KCTD16: variants seen among roughly 807,000 people sequenced by gnomAD.
KCTD16 encodes the protein potassium channel tetramerization domain containing 16.
Under a neutral mutation model 33.2 loss-of-function variants are expected in KCTD16, and 13 were observed. The ratio of observed to expected loss-of-function variants is 0.39; its 90% CI spans 0.25 to 0.62. The LOEUF is 0.62. Among genes scored for constraint, KCTD16 ranks in the 20% least tolerant of loss-of-function variants. The probability of loss-of-function intolerance (pLI) is 0.50; values close to 1 mark genes in which losing one functional copy is unlikely to be tolerated. For missense variants in KCTD16, 441 were observed against 525.1 expected (o/e 0.84, Z 1.57); for synonymous variants, 197 against 195.3 (o/e 1.01, Z -0.07).
chr5:144,310,861 G>A (rs1264351365), intron 3 of KCTD16, among the ~76,000 whole-genome samples: 1 of 152,116 alleles, frequency 6.6e-6, no homozygotes, highest in Non-Finnish European at 1.5e-5. Flanking sequence ...TCCCACCTTT[G>A]TTTCTGTTGC....
chr5:144,398,024 A>C (rs1580931054), intron 3 of KCTD16, among the ~76,000 whole-genome samples: 1 of 152,322 alleles, frequency 6.6e-6, no homozygotes, highest in East Asian at 1.9e-4. Flanking sequence ...TTGTGTCCCC[A>C]TGTAGGTAAG....
At chr5:144,230,748 G>C (rs1217719747) in intron 3 of KCTD16, among the ~76,000 whole-genome samples, 1 of 152,172 alleles carries the variant, frequency 6.6e-6, no homozygotes, top group East Asian at 1.9e-4. Flanking sequence ...AGTGATACAA[G>C]TATTAGGAAA....
intron 3 of KCTD16, among the ~76,000 whole-genome samples, chr5:144,220,758 G>T (rs1338431710): frequency 6.6e-6 from 1 of 151,994 alleles, no homozygotes; most frequent in Admixed American, 6.6e-5. Context: ...TGGCTAACAC[G>T]GTGAAACCCC....
chr5:144,270,374 T>C (rs912953612), intron 3 of KCTD16, among the ~76,000 whole-genome samples: 1 of 151,648 alleles, frequency 6.6e-6, no homozygotes, highest in Non-Finnish European at 1.5e-5. Context: ...AAATTAAAAA[T>C]CAATGACAGA....
At chr5:144,258,762 G>A (rs1310855227) in intron 3 of KCTD16, among the ~76,000 whole-genome samples, 1 of 152,068 alleles carries the variant, frequency 6.6e-6, no homozygotes, top group African/African-American at 2.4e-5. Context: ...TTTTATAGTT[G>A]ATCTAATTTC....
intron 3 of KCTD16, among the ~76,000 whole-genome samples, chr5:144,427,893 C>T (rs1753370076): frequency 6.6e-6 from 1 of 151,990 alleles, no homozygotes; most frequent in Admixed American, 6.6e-5. Flanking sequence ...ATTAGGTTAC[C>T]CAGTCTCAGT....
chr5:144,291,224 A>G (rs1413670348), intron 3 of KCTD16, among the ~76,000 whole-genome samples: 1 of 152,180 alleles, frequency 6.6e-6, no homozygotes, highest in Non-Finnish European at 1.5e-5. Flanking sequence ...TTATGTCCAC[A>G]GTATCTGGTT....
intron 3 of KCTD16, among the ~76,000 whole-genome samples, chr5:144,258,249 G>A (rs1475193907): frequency 6.6e-6 from 1 of 151,828 alleles, no homozygotes; most frequent in Non-Finnish European, 1.5e-5. Context: ...AGTTCCTGCT[G>A]TCAAAAGATT....
At position 144,227,272 on chromosome 5, in the gene KCTD16, G is replaced by T. The variant is rs543997330; in HGVS notation, c.832+19726G>T. Among the ~76,000 whole-genome samples, 9 of 152,298 alleles carry T rather than the reference G, an allele frequency of 5.9e-5. No homozygotes were observed. In the East Asian group the frequency reaches 1.7e-3, roughly 29 times the overall value. The stretch of plus-strand genomic sequence containing the variant: ...CTGAGGCAGTGATATTTAAATAAAG[G>T]CTTGTAGAAGATGAACTTTCAAACT... On this transcript the variant is annotated intron_variant, in intron 3 of 3. Transcript: ENST00000512467.
At chr5:144,448,299 C>A (rs1292927927) in intron 3 of KCTD16, among the ~76,000 whole-genome samples, 1 of 152,070 alleles carries the variant, frequency 6.6e-6, no homozygotes, top group Non-Finnish European at 1.5e-5. Context: ...ATGGTCAATT[C>A]ATTGTAAATC....
At chr5:144,360,272 C>A (rs1157461574) in intron 3 of KCTD16, among the ~76,000 whole-genome samples, 1 of 152,006 alleles carries the variant, frequency 6.6e-6, no homozygotes, top group African/African-American at 2.4e-5. Context: ...CCCAAGAGGC[C>A]CCAGTGTGTG....
At chr5:144,213,117 T>C (rs934375828) in intron 3 of KCTD16, among the ~76,000 whole-genome samples, 1 of 152,132 alleles carries the variant, frequency 6.6e-6, no homozygotes, top group Non-Finnish European at 1.5e-5. Flanking sequence ...TATTATCAAA[T>C]ATCTAGTCAG....
chr5:144,331,388 T>G (rs1230471555), intron 3 of KCTD16, among the ~76,000 whole-genome samples: 1 of 152,210 alleles, frequency 6.6e-6, no homozygotes, highest in Non-Finnish European at 1.5e-5. Flanking sequence ...TGCATTGGTC[T>G]TAGGTTTTAT....
intron 3 of KCTD16, among the ~76,000 whole-genome samples, chr5:144,239,960 C>CT (rs1754356135): frequency 6.6e-6 from 1 of 151,982 alleles, no homozygotes; most frequent in African/African-American, 2.4e-5. Flanking sequence ...ATAGTAATTG[C>CT]TTCCATTTTT....
At chr5:144,313,183 A>G (rs1315971978) in intron 3 of KCTD16, among the ~76,000 whole-genome samples, 4 of 152,186 alleles carry the variant, frequency 2.6e-5, no homozygotes, top group African/African-American at 9.7e-5. Context: ...TTTGTTTTAT[A>G]TGACTGTGAT....
At chr5:144,415,557 A>T (rs1753029593) in intron 3 of KCTD16, among the ~76,000 whole-genome samples, 1 of 152,114 alleles carries the variant, frequency 6.6e-6, no homozygotes, top group Admixed American at 6.5e-5. Flanking sequence ...CACTTGCAAC[A>T]TAAATTATAT....
intron 2 of KCTD16, among the ~76,000 whole-genome samples, chr5:144,187,125 T>C (rs1052383334): frequency 3.3e-5 from 5 of 152,188 alleles, no homozygotes; most frequent in Non-Finnish European, 7.4e-5. Flanking sequence ...TCTTCTTACA[T>C]GTTTATTTGA....
At chr5:144,240,607 T>G (rs994095145) in intron 3 of KCTD16, among the ~76,000 whole-genome samples, 5 of 152,156 alleles carry the variant, frequency 3.3e-5, no homozygotes, top group African/African-American at 1.2e-4. Flanking sequence ...CCGCTAATAT[T>G]CTCTTTCTGT....
chr5:144,330,181 G>C (rs1420345924), intron 3 of KCTD16, among the ~76,000 whole-genome samples: 2 of 152,168 alleles, frequency 1.3e-5, no homozygotes, highest in African/African-American at 4.8e-5. Context: ...GGGAGGCCAA[G>C]GTGGGTGGAT....
Sources: allele counts gnomAD v4.1 joint callset (sites outside exome capture counted in the v4.1 genomes callset), GRCh38; gene constraint gnomAD v4.1.1; transcripts MANE v1.5; gene names NCBI Gene and HGNC (gene_info 2026-07-23, HGNC 2026-07-21).